The following ZBTB7C variants were observed in gnomAD, a reference collection of about 807,000 sequenced individuals.
ZBTB7C encodes zinc finger and BTB domain-containing protein 7C.
In ZBTB7C, 8 loss-of-function variants were observed where a neutral mutation model predicts 25.7. That is an observed-to-expected ratio of 0.31 (90% CI 0.18 to 0.56). The LOEUF (loss-of-function observed/expected upper bound fraction) is 0.56. ZBTB7C is among the 20% of genes least tolerant of loss of function. The probability of loss-of-function intolerance (pLI) is 0.91; values close to 1 mark genes in which losing one functional copy is unlikely to be tolerated. For synonymous variants in ZBTB7C, 394 were observed against 369.0 expected (o/e 1.07, Z -0.78); for missense variants, 824 against 855.2 (o/e 0.96, Z 0.46).
intron 2 of ZBTB7C, among the ~76,000 whole-genome samples, chr18:48,245,643 A>C (rs540430404): frequency 6.6e-6 from 1 of 152,182 alleles, no homozygotes; most frequent in Non-Finnish European, 1.5e-5. Context: ...CATCAAAACA[A>C]GGGGGCAAAC....
At chr18:48,296,705 C>T (rs2045402196) in intron 2 of ZBTB7C, among the ~76,000 whole-genome samples, 3 of 152,174 alleles carry the variant, frequency 2.0e-5, no homozygotes, top group African/African-American at 7.2e-5. Context: ...TCCCCAGTCC[C>T]CGGGGCCACA....
chr18:48,166,648 AG>A (rs1423897912), intron 3 of ZBTB7C, among the ~76,000 whole-genome samples: 7 of 152,166 alleles, frequency 4.6e-5, no homozygotes, highest in Admixed American at 3.9e-4. Flanking sequence ...GCAGCATGTT[AG>A]GGGGCAAGAA....
chr18:48,094,430 C>T (rs1568213169), intron 3 of ZBTB7C, among the ~76,000 whole-genome samples: 1 of 152,214 alleles, frequency 6.6e-6, no homozygotes, highest in Non-Finnish European at 1.5e-5. Flanking sequence ...CTCTTGATCT[C>T]AGGCCCTCTT....
At chr18:48,412,574 G>C (rs1479683613), upstream of ZBTB7C, among the ~76,000 whole-genome samples, 1 of 152,170 alleles carries the variant, frequency 6.6e-6, no homozygotes, top group African/African-American at 2.4e-5. Flanking sequence ...GAGAAAGAGG[G>C]AAGAGGCTTT....
chr18:48,219,741 C>T (rs559455332), intron 2 of ZBTB7C, among the ~76,000 whole-genome samples: 2 of 152,324 alleles, frequency 1.3e-5, no homozygotes, highest in East Asian at 1.9e-4. Context: ...GTCTTGCATG[C>T]TGCATCTCGC....
upstream of ZBTB7C, among the ~76,000 whole-genome samples, chr18:48,409,860 C>A (rs2145354544): frequency 6.6e-6 from 1 of 151,760 alleles, no homozygotes; most frequent in South Asian, 2.1e-4. Flanking sequence ...GGCGAGGGGG[C>A]CAGGCGGCCG....
At chr18:48,353,420 C>T (rs755732788) in intron 1 of ZBTB7C, among the ~76,000 whole-genome samples, 3 of 152,148 alleles carry the variant, frequency 2.0e-5, no homozygotes, top group Non-Finnish European at 2.9e-5. Context: ...TCAATCCATC[C>T]GTGGATTTGC....
chr18:48,317,236 G>A (rs887419510), intron 2 of ZBTB7C, among the ~76,000 whole-genome samples: 1 of 128,690 alleles, frequency 7.8e-6, no homozygotes, highest in Non-Finnish European at 1.6e-5. Context: ...CAGCCTGGGC[G>A]ACAAGAGTGA....
intron 3 of ZBTB7C, among the ~76,000 whole-genome samples, chr18:48,088,883 T>C (rs2038297406): frequency 6.6e-6 from 1 of 151,778 alleles, no homozygotes; most frequent in Admixed American, 6.6e-5. Flanking sequence ...GACTTGGCAG[T>C]GGGCAGGGGG....
At chr18:48,366,599 A>G (rs1346209774) in intron 1 of ZBTB7C, among the ~76,000 whole-genome samples, 1 of 152,244 alleles carries the variant, frequency 6.6e-6, no homozygotes, top group Non-Finnish European at 1.5e-5. Context: ...ACAAGTCCAT[A>G]AGAAAGGCCA....
At chr18:48,245,088 G>GTATATATATATA (rs1384990097) in intron 2 of ZBTB7C, among the ~76,000 whole-genome samples, 2 of 43,672 alleles carry the variant, frequency 4.6e-5, no homozygotes, top group East Asian at 2.7e-4. Context: ...TAGTGTGTGT[G>GTATATATATATA]TGTGTATATA....
chr18:48,280,776 G>A (rs867980582), intron 2 of ZBTB7C, among the ~76,000 whole-genome samples: 32 of 151,784 alleles, frequency 2.1e-4, no homozygotes, highest in African/African-American at 6.8e-4. Flanking sequence ...GTAGCCAACT[G>A]GTCCAAAATC....
intron 1 of ZBTB7C, among the ~76,000 whole-genome samples, chr18:48,362,380 T>G (rs2047128086): frequency 6.6e-6 from 1 of 152,210 alleles, no homozygotes. Context: ...GTGGGGCCTT[T>G]GGGAGGTGAT....
chr18:48,291,814 C>G (rs2144690207), intron 2 of ZBTB7C, among the ~76,000 whole-genome samples: 1 of 152,252 alleles, frequency 6.6e-6, no homozygotes, highest in South Asian at 2.1e-4. Flanking sequence ...GCCAAGCTTT[C>G]TGGAGTTTGG....
At chr18:48,324,592 A>G (rs1381215145) in intron 2 of ZBTB7C, among the ~76,000 whole-genome samples, 1 of 152,204 alleles carries the variant, frequency 6.6e-6, no homozygotes, top group Non-Finnish European at 1.5e-5. Flanking sequence ...TCATAAGGGC[A>G]GAGAAACCAA....
In ZBTB7C at chr18:48,397,511, T is replaced by C. The variant is rs555095804; in HGVS notation, c.-304+11715A>G. ...CACCTCAAGTAAGTTAACCTAAACATTCCAAGCCTCAGTTCATCATCTGCT... is the reference window on the plus strand; with the variant it reads ...CACCTCAAGTAAGTTAACCTAAACACTCCAAGCCTCAGTTCATCATCTGCT... On this transcript the variant is annotated intron_variant, in intron 1 of 4. Transcript: ENST00000590800. 2.6e-4 allele frequency among the ~76,000 whole-genome samples: 40 copies of C among 152,300 alleles called. 1 individual carries two copies. In the South Asian group the frequency reaches 8.1e-3, roughly 31 times the overall value.
intron 2 of ZBTB7C, among the ~76,000 whole-genome samples, chr18:48,334,877 C>A (rs2144932277): frequency 6.6e-6 from 1 of 152,278 alleles, no homozygotes; most frequent in African/African-American, 2.4e-5. Flanking sequence ...TGGGTTGGAT[C>A]CCAAGAGAGG....
chr18:48,376,534 A>T (rs538034113), intron 1 of ZBTB7C, among the ~76,000 whole-genome samples: 198 of 152,250 alleles, frequency 1.3e-3, no homozygotes, highest in African/African-American at 4.5e-3. Context: ...CAGGACTGTC[A>T]CTCAGCCGGT....
chr18:48,404,803 A>C (rs2145329290), intron 1 of ZBTB7C, among the ~76,000 whole-genome samples: 1 of 149,036 alleles, frequency 6.7e-6, no homozygotes, highest in East Asian at 1.9e-4. Flanking sequence ...CCCAGCCCGC[A>C]GCATTCATTC....
Sources: allele counts gnomAD v4.1 joint callset (sites outside exome capture counted in the v4.1 genomes callset), GRCh38; gene constraint gnomAD v4.1.1; transcripts MANE v1.5; gene names NCBI Gene and HGNC (gene_info 2026-07-23, HGNC 2026-07-21).